The following PRR16 variants were observed in gnomAD, a reference collection of about 807,000 sequenced individuals.
The protein encoded by PRR16 is protein Largen.
PRR16 carries 6 observed loss-of-function variants against 18.2 expected under a neutral mutation model. The ratio of observed to expected loss-of-function variants is 0.33; its 90% CI spans 0.18 to 0.65. PRR16 has a LOEUF of 0.65. PRR16 is among the 30% of genes least tolerant of loss of function. The pLI is 0.74. For missense variants in PRR16, 412 were observed against 376.6 expected, an observed-to-expected ratio of 1.09 and a Z score of -0.78; for synonymous variants, 151 against 147.8, an observed-to-expected ratio of 1.02 and a Z score of -0.16.
the PRR16 span, among the ~76,000 whole-genome samples, chr5:120,707,992 A>T: frequency 6.6e-6 from 1 of 152,352 alleles, no homozygotes; most frequent in South Asian, 2.1e-4. Context: ...TTTAGCTTCT[A>T]AGAATGAAAA....
At chr5:120,646,295 C>T (rs992389959) in intron 1 of PRR16, among the ~76,000 whole-genome samples, 11 of 151,466 alleles carry the variant, frequency 7.3e-5, no homozygotes, top group South Asian at 2.1e-4. Flanking sequence ...GTTGTGACAC[C>T]GTACTGGAAT....
rs537246167 is a variant in PRR16, at chr5:120,580,523, C to T, written c.160-105431C>T. 2.2e-4 allele frequency among the ~76,000 whole-genome samples: 32 copies of T among 147,076 alleles called. 2 individuals carry two copies. In the East Asian group the frequency reaches 5.5e-3, roughly 25 times the overall value. Reference sequence around the variant, plus strand: ...AGGCTGGAGTGCAGTGGTGCGATCTCGGCTCACTGCAAGCTCCACCTCCCA... The same window carrying T: ...AGGCTGGAGTGCAGTGGTGCGATCTTGGCTCACTGCAAGCTCCACCTCCCA... On this transcript the variant is annotated intron_variant, in intron 1 of 1. Transcript: ENST00000407149.
chr5:120,597,883 C>G (rs918015279), intron 1 of PRR16, among the ~76,000 whole-genome samples: 5 of 151,416 alleles, frequency 3.3e-5, no homozygotes, highest in African/African-American at 9.7e-5. Flanking sequence ...TAAAATATTC[C>G]TTTAGAATTT....
At chr5:120,585,160 T>C (rs1256326929) in intron 1 of PRR16, among the ~76,000 whole-genome samples, 2 of 152,222 alleles carry the variant, frequency 1.3e-5, no homozygotes, top group Non-Finnish European at 1.5e-5. Flanking sequence ...ATTCCAACTA[T>C]ATGCCTGAGG....
At chr5:120,727,934 A>C in the PRR16 span, among the ~76,000 whole-genome samples, 1 of 152,056 alleles carries the variant, frequency 6.6e-6, no homozygotes, top group African/African-American at 2.4e-5. Flanking sequence ...ATAATAGAAG[A>C]AACCCTGAAT....
At chr5:120,684,597 C>A (rs541077110) in intron 1 of PRR16, among the ~76,000 whole-genome samples, 1 of 152,288 alleles carries the variant, frequency 6.6e-6, no homozygotes. Flanking sequence ...TATAACAGTG[C>A]AGGTATGGTG....
At chr5:120,665,915 G>T (rs1302906358) in intron 1 of PRR16, among the ~76,000 whole-genome samples, 1 of 151,818 alleles carries the variant, frequency 6.6e-6, no homozygotes, top group South Asian at 2.1e-4. Flanking sequence ...TTGTTCTTTT[G>T]GCTTAGGATT....
At chr5:120,518,451 G>A (rs1751068653) in intron 1 of PRR16, among the ~76,000 whole-genome samples, 1 of 151,990 alleles carries the variant, frequency 6.6e-6, no homozygotes, top group Non-Finnish European at 1.5e-5. Flanking sequence ...TTCCAGGAGT[G>A]GCATGGAAAC....
chr5:120,544,820 A>G (rs939672737), intron 1 of PRR16, among the ~76,000 whole-genome samples: 3 of 152,036 alleles, frequency 2.0e-5, no homozygotes, highest in African/African-American at 7.2e-5. Flanking sequence ...GTCAGCCACC[A>G]CACCTGGCCA....
intron 1 of PRR16, among the ~76,000 whole-genome samples, chr5:120,620,705 G>A (rs1754659673): frequency 6.6e-6 from 1 of 151,988 alleles, no homozygotes; most frequent in Non-Finnish European, 1.5e-5. Flanking sequence ...GCTGCTAAAT[G>A]TTACAGGGTC....
chr5:120,751,151 C>T, the PRR16 span, among the ~76,000 whole-genome samples: 1 of 152,068 alleles, frequency 6.6e-6, no homozygotes, highest in Non-Finnish European at 1.5e-5. Flanking sequence ...AGTAGTATTC[C>T]ACTGTATATG....
At chr5:120,766,919 TCTC>T in the PRR16 span, among the ~76,000 whole-genome samples, 3 of 151,920 alleles carry the variant, frequency 2.0e-5, no homozygotes, top group Non-Finnish European at 4.4e-5. Context: ...ACCTGTTTTA[TCTC>T]CTCCTCAGTG....
the PRR16 span, among the ~76,000 whole-genome samples, chr5:120,701,004 C>T: frequency 6.6e-6 from 1 of 152,128 alleles, no homozygotes; most frequent in African/African-American, 2.4e-5. Flanking sequence ...AGGAGGAATC[C>T]CGGGCTGCGG....
intron 1 of PRR16, among the ~76,000 whole-genome samples, chr5:120,666,236 C>T (rs1435421288): frequency 1.3e-5 from 2 of 152,168 alleles, no homozygotes; most frequent in Non-Finnish European, 2.9e-5. Flanking sequence ...AATGGGAATT[C>T]ACTCATGATT....
At chr5:120,465,556 C>T (rs1749048991) in intron 1 of PRR16, 1 of 152,392 alleles carries the variant, frequency 6.6e-6, no homozygotes. Context: ...AGGGCTGAGG[C>T]TGCGTAACTC....
chr5:120,551,154 C>A (rs1752242808), intron 1 of PRR16, among the ~76,000 whole-genome samples: 1 of 151,924 alleles, frequency 6.6e-6, no homozygotes. Context: ...AACTTATGCA[C>A]CCTTTGAACA....
chr5:120,514,060 A>G (rs1309911251), intron 1 of PRR16, among the ~76,000 whole-genome samples: 2 of 151,990 alleles, frequency 1.3e-5, no homozygotes, highest in Non-Finnish European at 2.9e-5. Flanking sequence ...ACCTTGCCAC[A>G]TCTGTTTTAT....
At chr5:120,490,234 T>C (rs1400709145) in intron 1 of PRR16, among the ~76,000 whole-genome samples, 2 of 152,184 alleles carry the variant, frequency 1.3e-5, no homozygotes, top group East Asian at 1.9e-4. Flanking sequence ...CTGGATAATA[T>C]CCTGCAGAGT....
At chr5:120,700,383 G>C in the PRR16 span, among the ~76,000 whole-genome samples, 11 of 152,084 alleles carry the variant, frequency 7.2e-5, no homozygotes, top group South Asian at 2.3e-3. Context: ...GATGGTGAGG[G>C]GTGCATGATC....
Sources: allele counts gnomAD v4.1 joint callset (sites outside exome capture counted in the v4.1 genomes callset), GRCh38; gene constraint gnomAD v4.1.1; transcripts MANE v1.5; gene names NCBI Gene and HGNC (gene_info 2026-07-23, HGNC 2026-07-21).